NRXN3: variants seen among roughly 807,000 people sequenced by gnomAD.
NRXN3 encodes the protein neurexin III.
In NRXN3, 32 loss-of-function variants were observed where a neutral mutation model predicts 137.6. That is an observed-to-expected ratio of 0.23 (90% CI 0.18 to 0.31). The LOEUF (loss-of-function observed/expected upper bound fraction) is 0.31. Ranked by LOEUF, NRXN3 falls within the 10% of genes least tolerant of loss-of-function variation. The pLI, the probability that NRXN3 is intolerant of heterozygous loss-of-function variation, is 1.00. For missense variants in NRXN3, 1,574 were observed against 2,062.5 expected (o/e 0.76, Z 4.59); for synonymous variants, 798 against 784.5 (o/e 1.02, Z -0.29).
intron 15 of NRXN3, among the ~76,000 whole-genome samples, chr14:79,451,049 C>T (rs1234012353): frequency 1.3e-5 from 2 of 151,980 alleles, no homozygotes; most frequent in South Asian, 2.1e-4. Context: ...TCTGTAACTT[C>T]CCAGGGCCTC....
chr14:78,239,785 C>A (rs2066842753), intron 1 of NRXN3, among the ~76,000 whole-genome samples: 1 of 152,150 alleles, frequency 6.6e-6, no homozygotes, highest in Non-Finnish European at 1.5e-5. Context: ...TGGCTCACTG[C>A]AAACTCTGCA....
intron 1 of NRXN3, among the ~76,000 whole-genome samples, chr14:78,216,507 T>C (rs10140605): frequency 0.9 from 136,781 of 152,150 alleles, 61,843 homozygotes; most frequent in East Asian, 1. Flanking sequence ...CTACAGGGTT[T>C]CTTGTTCTCT....
At chr14:79,336,302 G>GA (rs1002044658) in intron 15 of NRXN3, among the ~76,000 whole-genome samples, 19 of 151,216 alleles carry the variant, frequency 1.3e-4, no homozygotes, top group African/African-American at 3.2e-4. Context: ...AAGAGAAGCA[G>GA]AAAAAAAAAT....
intron 4 of NRXN3, among the ~76,000 whole-genome samples, chr14:78,459,535 C>T (rs2094855629): frequency 6.6e-6 from 1 of 152,098 alleles, no homozygotes; most frequent in Non-Finnish European, 1.5e-5. Flanking sequence ...CTCCCCAGCC[C>T]CTGTAGGACT....
intron 10 of NRXN3, among the ~76,000 whole-genome samples, chr14:78,956,537 AG>A (rs2099397132): frequency 6.6e-6 from 1 of 152,132 alleles, no homozygotes; most frequent in Non-Finnish European, 1.5e-5. Flanking sequence ...TGTCCTGAAA[AG>A]TTTCAGTTTT....
intron 15 of NRXN3, among the ~76,000 whole-genome samples, chr14:79,351,305 G>C (rs1014863281): frequency 1.3e-5 from 2 of 152,110 alleles, no homozygotes; most frequent in Non-Finnish European, 2.9e-5. Flanking sequence ...TCTTTTTCTG[G>C]TGGAATGTAT....
intron 15 of NRXN3, among the ~76,000 whole-genome samples, chr14:79,154,986 A>G (rs2060132195): frequency 6.6e-6 from 1 of 151,832 alleles, no homozygotes; most frequent in Non-Finnish European, 1.5e-5. Context: ...TGGATCTCTT[A>G]TGAGTATACA....
chr14:78,802,161 A>C (rs1025467426), intron 8 of NRXN3, among the ~76,000 whole-genome samples: 1 of 152,264 alleles, frequency 6.6e-6, no homozygotes, highest in African/African-American at 2.4e-5. Context: ...ATATTTAAAC[A>C]AATTCACATG....
intron 1 of NRXN3, among the ~76,000 whole-genome samples, chr14:78,217,193 A>G (rs1469903146): frequency 6.6e-6 from 1 of 152,210 alleles, no homozygotes; most frequent in Non-Finnish European, 1.5e-5. Context: ...TTTATTTTAT[A>G]AATGTATGAG....
intron 4 of NRXN3, among the ~76,000 whole-genome samples, chr14:78,578,761 A>T (rs960193426): frequency 6.6e-6 from 1 of 152,142 alleles, no homozygotes; most frequent in African/African-American, 2.4e-5. Flanking sequence ...GACTTTGCGG[A>T]TCACAGAGAG....
At chr14:79,337,244 AT>A (rs1312505984) in intron 15 of NRXN3, among the ~76,000 whole-genome samples, 2 of 152,154 alleles carry the variant, frequency 1.3e-5, no homozygotes, top group Non-Finnish European at 2.9e-5. Context: ...TATTGATGCT[AT>A]TTTAAATGTG....
intron 4 of NRXN3, among the ~76,000 whole-genome samples, chr14:78,407,106 C>A (rs2092535317): frequency 6.6e-6 from 1 of 152,150 alleles, no homozygotes; most frequent in African/African-American, 2.4e-5. Context: ...CAACTCATGC[C>A]TAGGTTTGCT....
chr14:78,462,467 A>G (rs1386353409), intron 4 of NRXN3, among the ~76,000 whole-genome samples: 1 of 152,172 alleles, frequency 6.6e-6, no homozygotes, highest in East Asian at 1.9e-4. Context: ...GAGTAATTGT[A>G]CTATGAACTG....
At chr14:78,481,845 A>G (rs1400197229) in intron 4 of NRXN3, among the ~76,000 whole-genome samples, 1 of 152,140 alleles carries the variant, frequency 6.6e-6, no homozygotes, top group Non-Finnish European at 1.5e-5. Flanking sequence ...CCCTGAACTC[A>G]AGACTCTTTT....
intron 19 of NRXN3, among the ~76,000 whole-genome samples, chr14:79,755,162 AT>A (rs1202433354): frequency 6.6e-6 from 1 of 152,160 alleles, no homozygotes; most frequent in Non-Finnish European, 1.5e-5. Flanking sequence ...CCCATTTCTC[AT>A]TTATATGATA....
intron 4 of NRXN3, chr14:78,403,929 G>A (rs1428505885): frequency 1.0e-6 from 1 of 972,710 alleles, no homozygotes; most frequent in African/African-American, 1.8e-5. Flanking sequence ...AGCTGCGGTG[G>A]GGGTGGGCTG....
At chr14:78,896,516 G>A (rs2099175421) in intron 10 of NRXN3, among the ~76,000 whole-genome samples, 1 of 151,778 alleles carries the variant, frequency 6.6e-6, no homozygotes, top group Non-Finnish European at 1.5e-5. Context: ...CATGTTGAAG[G>A]CTGTGAAGTT....
At chr14:79,091,020 G>A (rs371183362) in intron 15 of NRXN3, among the ~76,000 whole-genome samples, 15 of 151,600 alleles carry the variant, frequency 9.9e-5, no homozygotes, top group South Asian at 4.2e-4. Flanking sequence ...ACGAGAACTC[G>A]TGCCCAAATT....
At chr14:78,288,766 C>A (rs1378753439) in intron 3 of NRXN3, among the ~76,000 whole-genome samples, 1 of 152,190 alleles carries the variant, frequency 6.6e-6, no homozygotes, top group East Asian at 1.9e-4. Context: ...AGCATTAATG[C>A]ATGAGGAAGC....
Sources: allele counts gnomAD v4.1 joint callset (sites outside exome capture counted in the v4.1 genomes callset), GRCh38; gene constraint gnomAD v4.1.1; transcripts MANE v1.5; gene names NCBI Gene and HGNC (gene_info 2026-07-23, HGNC 2026-07-21).